The following BMP2K variants were observed in gnomAD, a reference collection of about 807,000 sequenced individuals.
BMP2K encodes BMP-2-inducible protein kinase.
A neutral mutation model predicts 116.0 loss-of-function variants in BMP2K; 74 were observed. That is an observed-to-expected ratio of 0.64 (90% CI 0.53 to 0.77). The LOEUF is 0.77. Among genes scored for constraint, BMP2K ranks in the 30% least tolerant of loss-of-function variants. BMP2K has a pLI of 0.00. For synonymous variants in BMP2K, 486 were observed against 502.5 expected (o/e 0.97, Z 0.44); for missense variants, 1,365 against 1,403.6 (o/e 0.97, Z 0.44).
chr4:78,877,806 CAT>C (rs897205958), intron 13 of BMP2K, among the ~76,000 whole-genome samples: 7 of 152,272 alleles, frequency 4.6e-5, no homozygotes, highest in Admixed American at 1.3e-4. Context: ...ACCACAAACA[CAT>C]GAGTAAGCTG....
chr4:78,904,315 A>G (rs935944864), intron 15 of BMP2K, among the ~76,000 whole-genome samples: 3 of 151,876 alleles, frequency 2.0e-5, no homozygotes, highest in African/African-American at 7.2e-5. Context: ...ATATAGGGAG[A>G]TAAGAGGTAA....
At chr4:78,869,629 C>T (rs1333238575) in intron 10 of BMP2K, among the ~76,000 whole-genome samples, 1 of 152,098 alleles carries the variant, frequency 6.6e-6, no homozygotes, top group Admixed American at 6.5e-5. Context: ...ATATGTACTC[C>T]ATGAATATGT....
intron 1 of BMP2K, among the ~76,000 whole-genome samples, chr4:78,818,829 C>T (rs992323626): frequency 7.2e-6 from 1 of 139,338 alleles, no homozygotes; most frequent in Admixed American, 7.6e-5. Context: ...CAGAGTCTTG[C>T]TTTGTCGCCC....
intron 3 of BMP2K, among the ~76,000 whole-genome samples, chr4:78,836,506 C>A (rs1233425728): frequency 6.6e-6 from 1 of 152,130 alleles, no homozygotes; most frequent in Non-Finnish European, 1.5e-5. Flanking sequence ...CTTAAAAACA[C>A]CCCTTGGGGA....
At chr4:78,860,439 A>G (rs1472087001) in intron 8 of BMP2K, among the ~76,000 whole-genome samples, 1 of 151,846 alleles carries the variant, frequency 6.6e-6, no homozygotes, top group East Asian at 1.9e-4. Context: ...TTTAATGTCC[A>G]TTTCTTTTTC....
intron 15 of BMP2K, among the ~76,000 whole-genome samples, chr4:78,903,290 C>T (rs1734110081): frequency 6.6e-6 from 1 of 151,926 alleles, no homozygotes; most frequent in Non-Finnish European, 1.5e-5. Context: ...TTACCTTGGT[C>T]ACTCATTTTC....
At chr4:78,894,344 C>A (rs1733591001) in intron 15 of BMP2K, among the ~76,000 whole-genome samples, 1 of 152,184 alleles carries the variant, frequency 6.6e-6, no homozygotes, top group Non-Finnish European at 1.5e-5. Flanking sequence ...TATTGAAAAT[C>A]TGTTGTTTAG....
intron 15 of BMP2K, among the ~76,000 whole-genome samples, chr4:78,890,404 G>T (rs984630312): frequency 6.8e-6 from 1 of 147,968 alleles, no homozygotes. Flanking sequence ...ACAATCATGC[G>T]CACACACACA....
At chr4:78,896,732 G>T (rs1010036278) in intron 15 of BMP2K, among the ~76,000 whole-genome samples, 5 of 152,118 alleles carry the variant, frequency 3.3e-5, no homozygotes, top group Admixed American at 1.3e-4. Flanking sequence ...TATTTAAACT[G>T]TTTTTTATCA....
At chr4:78,788,844 C>T (rs1295446364) in intron 1 of BMP2K, among the ~76,000 whole-genome samples, 1 of 149,172 alleles carries the variant, frequency 6.7e-6, no homozygotes, top group Non-Finnish European at 1.5e-5. Flanking sequence ...TTGAGAAACC[C>T]TTATATACAG....
chr4:78,792,554 C>G (rs978049752), intron 1 of BMP2K, among the ~76,000 whole-genome samples: 1 of 152,128 alleles, frequency 6.6e-6, no homozygotes, highest in Non-Finnish European at 1.5e-5. Context: ...TTTGAACTTT[C>G]AAAGAAAATC....
At chr4:78,899,938 A>G (rs890489028) in intron 15 of BMP2K, among the ~76,000 whole-genome samples, 1 of 152,190 alleles carries the variant, frequency 6.6e-6, no homozygotes, top group Non-Finnish European at 1.5e-5. Flanking sequence ...TAGATTTTAT[A>G]TGGGCAAGAC....
intron 3 of BMP2K, among the ~76,000 whole-genome samples, chr4:78,835,132 A>G (rs2110013302): frequency 6.6e-6 from 1 of 152,346 alleles, no homozygotes; most frequent in East Asian, 1.9e-4. Context: ...GACATCTTAA[A>G]AGGGGAATCA....
intron 13 of BMP2K, among the ~76,000 whole-genome samples, chr4:78,876,469 T>C (rs1290118065): frequency 6.6e-6 from 1 of 152,234 alleles, no homozygotes; most frequent in Non-Finnish European, 1.5e-5. Flanking sequence ...TTTCCTCTGT[T>C]ATATGCTAGC....
rs1007374591 is a variant in BMP2K at position 78,870,979 on chromosome 4, GCAA to G, written c.1431_1433del (p.Gln486del). ...AACAGCAACAGCAGCAGCAGCAACA[GCAA>G]CAGCAGCAGCAGCAGCAGCAGCAGC... On this transcript the variant is annotated inframe_deletion, in exon 11 of 16. Coordinates refer to ENST00000502613, the MANE Select transcript of BMP2K (RefSeq NM_198892.2). 5.6e-6 allele frequency: 9 copies of G among 1,608,888 alleles called. No individual in the cohort carries two copies. Among genetic ancestry groups the G allele is most frequent in the South Asian group, 1.1e-5 (1 of 90,874 alleles).
At chr4:78,845,946 A>G (rs990429215) in intron 5 of BMP2K, among the ~76,000 whole-genome samples, 1 of 151,706 alleles carries the variant, frequency 6.6e-6, no homozygotes, top group Non-Finnish European at 1.5e-5. Flanking sequence ...TAGATTTAAT[A>G]AAAACAAACA....
Position 78,782,606 on chromosome 4 carries a change from G to A in BMP2K, c.178+5885G>A, listed in dbSNP as rs1354877986. Among the ~76,000 whole-genome samples the A allele has an allele frequency of 4.6e-5, 7 of 152,136 alleles. No individual in the cohort carries two copies. In the East Asian group the frequency reaches 7.7e-4, roughly 17 times the overall value. On this transcript the variant is annotated intron_variant, in intron 1 of 15. Transcript: ENST00000502613. ...TCTAGTTTGGTGAAGACAAACAACC[G>A]TTAAGGCAGTGTCATTTCACTTAAC...
At chr4:78,806,180 A>G (rs1728809642) in intron 1 of BMP2K, among the ~76,000 whole-genome samples, 1 of 151,666 alleles carries the variant, frequency 6.6e-6, no homozygotes, top group Admixed American at 6.6e-5. Context: ...CTATGTATAT[A>G]TTTAAATTTT....
chr4:78,844,111 T>A (rs1320529159), intron 4 of BMP2K, among the ~76,000 whole-genome samples: 1 of 151,852 alleles, frequency 6.6e-6, no homozygotes, highest in Non-Finnish European at 1.5e-5. Flanking sequence ...AAACATGTAA[T>A]AGTAATTTAT....
Sources: gnomAD v4.1 joint callset for allele counts (sites outside exome capture counted in the v4.1 genomes callset) on GRCh38, gnomAD v4.1.1 for gene constraint, MANE v1.5 for transcripts, NCBI Gene and HGNC (gene_info 2026-07-23, HGNC 2026-07-21) for gene names.